The following STX6 variants were observed in gnomAD, a reference collection of about 807,000 sequenced individuals.
The protein encoded by STX6 is syntaxin 6, also known as syntaxin-6.
STX6 carries 23 observed loss-of-function variants against 38.0 expected under a neutral mutation model. The ratio of observed to expected loss-of-function variants is 0.60; its 90% CI spans 0.43 to 0.86. STX6 has a LOEUF of 0.86. STX6 is among the 40% of genes least tolerant of loss of function. The probability of loss-of-function intolerance (pLI) is 0.00; values close to 1 mark genes in which losing one functional copy is unlikely to be tolerated. For missense variants in STX6, 274 were observed against 312.9 expected, an observed-to-expected ratio of 0.88 and a Z score of 0.94; for synonymous variants, 123 against 107.5, an observed-to-expected ratio of 1.14 and a Z score of -0.89.
intron 3 of STX6, 39 bp downstream of exon 3, chr1:181,002,567 T>C: frequency 6.9e-7 from 1 of 1,459,046 alleles, no homozygotes; most frequent in South Asian, 1.2e-5. Context: ...AGTCTGGCTA[T>C]TTCTTATACA....
At chr1:181,015,515 A>C (rs937725898) in intron 1 of STX6, among the ~76,000 whole-genome samples, 4 of 152,114 alleles carry the variant, frequency 2.6e-5, no homozygotes, top group African/African-American at 9.7e-5. Context: ...AAGAACTTTC[A>C]AGATAATCTA....
intron 6 of STX6, chr1:180,987,624 A>G (rs2102307000): frequency 6.6e-6 from 1 of 152,312 alleles, no homozygotes; most frequent in East Asian, 1.9e-4. Flanking sequence ...TTTCTCTTTC[A>G]AAAGATTTAC....
intron 5 of STX6, 183 bp from the exon 6 acceptor site, chr1:180,988,528 T>G (rs1655656355): frequency 2.4e-5 from 13 of 542,324 alleles, no homozygotes; most frequent in South Asian, 2.2e-4. Context: ...GCTGGATTGT[T>G]AAGCTACTGA....
chr1:181,003,780 G>A (rs1405824662), intron 2 of STX6, among the ~76,000 whole-genome samples: 1 of 151,856 alleles, frequency 6.6e-6, no homozygotes, highest in African/African-American at 2.4e-5. Flanking sequence ...ATTTCCAGTT[G>A]GAAAAAAAGG....
At chr1:181,012,708 C>G (rs1468705488) in intron 1 of STX6, among the ~76,000 whole-genome samples, 1 of 129,916 alleles carries the variant, frequency 7.7e-6, no homozygotes, top group East Asian at 2.3e-4. Context: ...GAATTTCACT[C>G]TTGTTGCCCT....
chr1:181,012,615 A>C (rs1175360497), intron 1 of STX6, among the ~76,000 whole-genome samples: 1 of 152,108 alleles, frequency 6.6e-6, no homozygotes, highest in Non-Finnish European at 1.5e-5. Flanking sequence ...ATCTTTGAAG[A>C]ATGCATCTTT....
intron 1 of STX6, among the ~76,000 whole-genome samples, chr1:181,015,808 C>T (rs1656538444): frequency 6.6e-6 from 1 of 152,016 alleles, no homozygotes; most frequent in Non-Finnish European, 1.5e-5. Flanking sequence ...TACAGGTGCC[C>T]ACCACCACAC....
At chr1:181,016,220 CATCTTT>C (rs10595201) in intron 1 of STX6, among the ~76,000 whole-genome samples, 41,514 of 151,794 alleles carry the variant, frequency 0.27, 6,802 homozygotes, top group Non-Finnish European at 0.35. Context: ...GTCTTCTTCC[CATCTTT>C]ATCTTTCTCA....
Position 180,988,073 on chromosome 1 carries a change from T to C in STX6, c.596+166A>G, listed in dbSNP as rs199640560. 248 of 514,432 alleles carry C rather than the reference T, an allele frequency of 4.8e-4. No homozygotes were observed. In the Admixed American group the frequency reaches 5.6e-3, roughly 12 times the overall value. 31.9% of individuals were successfully genotyped at this position (514,432 alleles called of 1,614,324 possible). A position where few individuals can be genotyped will look rare whatever the true frequency, so the allele number is the denominator to read the frequency against. On this transcript the variant is annotated intron_variant, in intron 6 of 7. Transcript: ENST00000258301. ...CTGTAGTAAAATTTACGAAGTAGAA[T>C]TGCTTCTTTTGGGGAGGCTAATCTG...
chr1:180,998,138 A>G (rs1172201282), intron 3 of STX6, among the ~76,000 whole-genome samples: 2 of 152,208 alleles, frequency 1.3e-5, no homozygotes, highest in African/African-American at 4.8e-5. Flanking sequence ...TCCTTTTCCT[A>G]CTTTTACTTC....
chr1:181,013,193 A>T (rs1656458438), intron 1 of STX6, among the ~76,000 whole-genome samples: 1 of 152,094 alleles, frequency 6.6e-6, no homozygotes, highest in African/African-American at 2.4e-5. Context: ...TCTTACTTGC[A>T]TCTAACCAAG....
intron 1 of STX6, among the ~76,000 whole-genome samples, chr1:181,017,183 G>T (rs541545769): frequency 5.9e-5 from 9 of 151,324 alleles, no homozygotes; most frequent in African/African-American, 9.7e-5. Flanking sequence ...TCAGGAGATC[G>T]AGACCATCCT....
chr1:180,988,560 G>A, intron 5 of STX6: 1 of 472,538 alleles, frequency 2.1e-6, no homozygotes. Context: ...GATCCAACTT[G>A]TGAACAGTCA....
chr1:181,021,207 C>T (rs1656715978), intron 1 of STX6, among the ~76,000 whole-genome samples: 1 of 152,118 alleles, frequency 6.6e-6, no homozygotes, highest in African/African-American at 2.4e-5. Flanking sequence ...TGATCTCTAC[C>T]GCCAGAGATA....
At chr1:181,005,265 A>C in intron 2 of STX6, 29 bp downstream of exon 2, 1 of 1,594,162 alleles carries the variant, frequency 6.3e-7, no homozygotes, top group Non-Finnish European at 8.6e-7. Context: ...ATTTATCCCG[A>C]ATGGCACAGA....
chr1:181,008,559 T>C (rs1186130215), intron 1 of STX6, among the ~76,000 whole-genome samples: 4 of 152,136 alleles, frequency 2.6e-5, no homozygotes, highest in Admixed American at 1.3e-4. Flanking sequence ...ATAGTGGTCA[T>C]TAGGAAAGTA....
At chr1:181,018,473 T>C (rs943576214) in intron 1 of STX6, among the ~76,000 whole-genome samples, 1 of 143,664 alleles carries the variant, frequency 7.0e-6, no homozygotes, top group African/African-American at 2.6e-5. Flanking sequence ...AAAATGACCA[T>C]ATTATATATA....
intron 1 of STX6, among the ~76,000 whole-genome samples, chr1:181,017,718 A>G (rs981531720): frequency 6.6e-6 from 1 of 152,228 alleles, no homozygotes; most frequent in Non-Finnish European, 1.5e-5. Flanking sequence ...CAAGATTTAA[A>G]TATGATATTT....
chr1:181,017,104 C>T (rs1026528344), intron 1 of STX6, among the ~76,000 whole-genome samples: 7 of 133,894 alleles, frequency 5.2e-5, no homozygotes, highest in African/African-American at 8.6e-5. Context: ...AAACCATCCT[C>T]GGCTGGGCGC....
Sources: allele counts gnomAD v4.1 joint callset (sites outside exome capture counted in the v4.1 genomes callset), GRCh38; gene constraint gnomAD v4.1.1; transcripts MANE v1.5; gene names NCBI Gene and HGNC (gene_info 2026-07-23, HGNC 2026-07-21).